The following DSC1 variants were observed in gnomAD, a reference collection of about 807,000 sequenced individuals.
The protein encoded by DSC1 is desmocollin 1, also known as desmocollin-1.
DSC1 carries 79 observed loss-of-function variants against 98.8 expected under a neutral mutation model. The observed-to-expected ratio is 0.80, with a 90% CI of 0.67 to 0.96. The LOEUF (loss-of-function observed/expected upper bound fraction) is 0.96, where lower values mean the gene tolerates loss of function less well. Ranked by LOEUF, DSC1 falls within the 50% of genes least tolerant of loss-of-function variation. The pLI is 0.00. For missense variants in DSC1, 1,115 were observed against 1,075.9 expected (o/e 1.04, Z -0.51); for synonymous variants, 405 against 372.1 (o/e 1.09, Z -1.02).
In DSC1 at chr18:31,159,443, AC is replaced by A; in HGVS notation, c.148+1del. On this transcript the variant is annotated splice_donor_variant, in intron 2 of 15. Transcript: ENST00000257198. LOFTEE classifies it high-confidence loss of function. Reference sequence around the variant, plus strand: ...TATGAAACTGTTAATAGTGTTTCTCACCTTTGCCTACAAGTGTTTCAGCCTG... The same window carrying A: ...TATGAAACTGTTAATAGTGTTTCTCACTTTGCCTACAAGTGTTTCAGCCTG... The A allele has an allele frequency of 6.2e-7, 1 of 1,612,516 alleles. No individual in the cohort carries two copies.
Position 31,130,494 on chromosome 18 carries a change from T to C in DSC1, c.*20A>G. On this transcript the variant is annotated 3_prime_UTR_variant, in exon 16 of 16. Transcript: ENST00000257198. ...TTCCTACTTATGCATCTGTGGATAT[T>C]ACACTATTAAAAGGCACATTTATTT... is the stretch of plus-strand genomic sequence containing the variant. 1 of 1,613,378 alleles carries C rather than the reference T, an allele frequency of 6.2e-7. No individual in the cohort carries two copies. Among genetic ancestry groups the C allele is most frequent in the Non-Finnish European group, 8.5e-7 (1 of 1,179,388 alleles).
chr18:31,161,763 G>A (rs923355813), intron 1 of DSC1, among the ~76,000 whole-genome samples: 2 of 152,134 alleles, frequency 1.3e-5, no homozygotes, highest in Non-Finnish European at 2.9e-5. Context: ...TACAGGATGA[G>A]AAGGTGACCA....
chr18:31,162,490 A>G (rs776315647), intron 1 of DSC1, 42 bp downstream of exon 1: 18 of 1,566,932 alleles, frequency 1.1e-5, no homozygotes, highest in Non-Finnish European at 1.5e-5. Flanking sequence ...GGAAGCAGGT[A>G]GTAACATGCT....
chr18:31,156,958 TCTC>T (rs1170998558), intron 3 of DSC1, among the ~76,000 whole-genome samples: 3 of 152,084 alleles, frequency 2.0e-5, no homozygotes, highest in African/African-American at 4.8e-5. Context: ...AACAGTCTCT[TCTC>T]CTCTTTAAAG....
Position 31,141,857 on chromosome 18 carries a change from C to A in DSC1, c.1260+142G>T. 5.0e-6 allele frequency: 4 copies of A among 796,424 alleles called. No homozygotes were observed. The South Asian group carries it at 1.1e-4, about 22-fold the overall frequency. 49.3% of individuals were successfully genotyped at this position (796,424 alleles called of 1,614,324 possible). ...AAAATTAGGGTAAGAGAATAAGAAA[C>A]AACAAAGTTTATATAAACCAATATA... On this transcript the variant is annotated intron_variant, in intron 9 of 15. Coordinates refer to ENST00000257198, the MANE Select transcript of DSC1 (RefSeq NM_024421.2).
chr18:31,131,892 CA>C (rs753487343), intron 14 of DSC1, 50 bp from the exon 15 acceptor site: 1 of 1,599,414 alleles, frequency 6.3e-7, no homozygotes, highest in Admixed American at 1.7e-5. Flanking sequence ...TGGAAACTAA[CA>C]ATTCATTTTC....
At chr18:31,137,571 C>A (rs1445344468) in intron 11 of DSC1, among the ~76,000 whole-genome samples, 1 of 152,080 alleles carries the variant, frequency 6.6e-6, no homozygotes, top group East Asian at 1.9e-4. Context: ...GAAAAAGGGT[C>A]TTTATACAAA....
chr18:31,147,576 G>T (rs1220669821), intron 6 of DSC1, among the ~76,000 whole-genome samples: 1 of 152,010 alleles, frequency 6.6e-6, no homozygotes, highest in East Asian at 1.9e-4. Context: ...ACATAATTGT[G>T]TTTAAAATAT....
chr18:31,144,000 C>T (rs1304954067), intron 7 of DSC1, among the ~76,000 whole-genome samples: 1 of 152,066 alleles, frequency 6.6e-6, no homozygotes, highest in Admixed American at 6.6e-5. Flanking sequence ...ACCTCTGCCT[C>T]CCAGGTTCAA....
In DSC1 at chr18:31,141,918, A is replaced by G; in HGVS notation, c.1260+81T>C. On this transcript the variant is annotated intron_variant, in intron 9 of 15. Coordinates refer to ENST00000257198, the MANE Select transcript of DSC1 (RefSeq NM_024421.2). ...CCTTGCACTGCAGTAGTCTAGTCAT[A>G]TACATATAAGAATTATCTCTTAAAA... 2.2e-6 allele frequency: 3 copies of G among 1,385,928 alleles called. 1 individual carries two copies. The highest frequency in any genetic ancestry group is 4.7e-5 in the East Asian group (2 of 42,246). The allele number at this position is 1,385,928 out of a possible 1,614,324, so 85.9% of individuals were successfully genotyped here.
At chr18:31,141,836 T>C (rs1260161759) in intron 9 of DSC1, among the ~76,000 whole-genome samples, 163 bp downstream of exon 9, 1 of 152,114 alleles carries the variant, frequency 6.6e-6, no homozygotes, top group Non-Finnish European at 1.5e-5. Context: ...AGAGAGAAAA[T>C]TAGGGTAAGA....
intron 1 of DSC1, among the ~76,000 whole-genome samples, chr18:31,162,241 T>C (rs1989223188): frequency 6.6e-6 from 1 of 152,184 alleles, no homozygotes; most frequent in African/African-American, 2.4e-5. Flanking sequence ...GCCTAAAGAA[T>C]GAATTCACTT....
rs1988458456 is a variant in DSC1 at position 31,130,435 on chromosome 18, T to C, written c.*79A>G. The C allele has an allele frequency of 2.6e-6, 4 of 1,523,472 alleles. No homozygotes were observed. Among genetic ancestry groups the C allele is most frequent in the Non-Finnish European group, 3.6e-6 (4 of 1,111,218 alleles). 94.4% of individuals were successfully genotyped at this position (1,523,472 alleles called of 1,614,324 possible). ...AGTTTACCTCCATAAACAAAAACAT[T>C]AGCAGATGCTGCTAACATTCTGCAA... On this transcript the variant is annotated 3_prime_UTR_variant, in exon 16 of 16. Transcript: ENST00000257198.
chr18:31,138,122 C>T (rs1988651486), intron 11 of DSC1, among the ~76,000 whole-genome samples: 1 of 152,010 alleles, frequency 6.6e-6, no homozygotes, highest in South Asian at 2.1e-4. Flanking sequence ...ATCTACGGCC[C>T]TGGAATGTAG....
chr18:31,148,392 C>CAG lies in DSC1; in HGVS notation c.772+104_772+105dup, dbSNP rs1598623647. On this transcript the variant is annotated intron_variant, in intron 6 of 15. Coordinates refer to ENST00000257198, the MANE Select transcript of DSC1 (RefSeq NM_024421.2). ...AAAAAGTGTATGTAATCAGAAATAC[C>CAG]AGAAAATGCATAAAATGCAATGATA... 4 of 1,334,090 alleles carry CAG rather than the reference C, an allele frequency of 3.0e-6. No individual in the cohort carries two copies. In the East Asian group the frequency reaches 9.9e-5, roughly 33 times the overall value. The allele number at this position is 1,334,090 out of a possible 1,614,324, so 82.6% of individuals were successfully genotyped here.
chr18:31,153,374 A>G (rs1178606712), intron 5 of DSC1, among the ~76,000 whole-genome samples: 1 of 152,196 alleles, frequency 6.6e-6, no homozygotes, highest in East Asian at 1.9e-4. Context: ...GAGTAGAAAG[A>G]TCAAAGTGAT....
chr18:31,157,753 T>C (rs896956090), intron 2 of DSC1, among the ~76,000 whole-genome samples, 180 bp from the exon 3 acceptor site: 9 of 152,230 alleles, frequency 5.9e-5, no homozygotes, highest in African/African-American at 9.6e-5. Flanking sequence ...ATTATATTAA[T>C]GGAGTCACAT....
chr18:31,132,413 G>A, intron 14 of DSC1, 155 bp downstream of exon 14: 1 of 1,026,202 alleles, frequency 9.7e-7, no homozygotes, highest in Non-Finnish European at 1.4e-6. Context: ...GAATTGGGAG[G>A]TTTAAATGAT....
Position 31,159,542 on chromosome 18 carries a change from A to C in DSC1, c.64-13T>G. 6.3e-7 allele frequency: 1 copy of C among 1,586,082 alleles called. No individual in the cohort carries two copies. The highest frequency in any genetic ancestry group is 1.2e-5 in the South Asian group (1 of 84,670). On this transcript the variant is annotated splice_polypyrimidine_tract_variant and intron_variant, in intron 1 of 15. Transcript: ENST00000257198. Reference sequence around the variant, plus strand: ...GTAATGTTAAAACCTCAAAAAAAAAAAAAGAAAAAATATCAGGAATTAAAT... The same window carrying C: ...GTAATGTTAAAACCTCAAAAAAAAACAAAGAAAAAATATCAGGAATTAAAT...
Sources: allele counts gnomAD v4.1 joint callset (sites outside exome capture counted in the v4.1 genomes callset), GRCh38; gene constraint gnomAD v4.1.1; transcripts MANE v1.5; gene names NCBI Gene and HGNC (gene_info 2026-07-23, HGNC 2026-07-21).